PRKCB: variants seen among roughly 807,000 people sequenced by gnomAD.
The protein encoded by PRKCB is protein kinase C beta type.
A neutral mutation model predicts 81.5 loss-of-function variants in PRKCB; 13 were observed. That is an observed-to-expected ratio of 0.16 (90% confidence interval 0.10 to 0.25). PRKCB has a LOEUF of 0.25. Ranked by LOEUF, PRKCB falls within the 10% of genes least tolerant of loss-of-function variation. The pLI is 1.00. For missense variants in PRKCB, 509 were observed against 875.7 expected (o/e 0.58, Z 5.29); for synonymous variants, 335 against 321.4 (o/e 1.04, Z -0.45).
chr16:23,863,984 A>T (rs1962729395), intron 2 of PRKCB, among the ~76,000 whole-genome samples: 1 of 152,180 alleles, frequency 6.6e-6, no homozygotes, highest in African/African-American at 2.4e-5. Flanking sequence ...GCCCGTCAGT[A>T]ATGGGTACAG....
At chr16:23,847,458 ATC>A in intron 2 of PRKCB, among the ~76,000 whole-genome samples, 1 of 148,994 alleles carries the variant, frequency 6.7e-6, no homozygotes, top group Non-Finnish European at 1.5e-5. Context: ...CCATCCATCC[ATC>A]CATCCATCCA....
chr16:24,112,543 GCAA>G (rs937779086), intron 7 of PRKCB, among the ~76,000 whole-genome samples: 10 of 149,710 alleles, frequency 6.7e-5, no homozygotes, highest in Admixed American at 1.3e-4. Flanking sequence ...ATCTCTAAAA[GCAA>G]CAACAACAAT....
rs1394109030 is a variant in PRKCB at position 24,180,781 on chromosome 16, C to T, written c.1395-9C>T. On this transcript the variant is annotated splice_polypyrimidine_tract_variant and intron_variant, in intron 12 of 16. Coordinates refer to ENST00000643927, the MANE Select transcript of PRKCB (RefSeq NM_002738.7). ...TAATTAAATCTCTAAATTCTTGTGT[C>T]TGCCATAGTGACCTAAAACTTGACA... The T allele has an allele frequency of 2.5e-6, 4 of 1,613,012 alleles. 1 individual carries two copies. The South Asian group carries it at 3.3e-5, about 13-fold the overall frequency.
chr16:23,924,810 C>T (rs572343322), intron 2 of PRKCB, among the ~76,000 whole-genome samples: 1 of 152,036 alleles, frequency 6.6e-6, no homozygotes, highest in South Asian at 2.1e-4. Context: ...ACTATGTATA[C>T]ATGTAGGAAA....
chr16:23,837,309 G>T, intron 1 of PRKCB, 66 bp from the exon 2 acceptor site: 1 of 1,597,472 alleles, frequency 6.3e-7, no homozygotes. Flanking sequence ...GGGTGACTCT[G>T]TGGGTAACTA....
chr16:24,172,026 A>G (rs1027120900), intron 10 of PRKCB: 5 of 374,222 alleles, frequency 1.3e-5, no homozygotes, highest in African/African-American at 1.0e-4. Context: ...TACAGCTGTG[A>G]GCCACCATGC....
chr16:24,011,156 C>G (rs1965197931), intron 3 of PRKCB, among the ~76,000 whole-genome samples: 1 of 152,114 alleles, frequency 6.6e-6, no homozygotes, highest in Non-Finnish European at 1.5e-5. Context: ...GCATAAGCCA[C>G]CATGCCCAGC....
intron 14 of PRKCB, 71 bp downstream of exon 14, chr16:24,185,262 T>C (rs1967685647): frequency 2.8e-6 from 4 of 1,437,628 alleles, no homozygotes; most frequent in East Asian, 2.3e-5. Flanking sequence ...TTTAGGAGAA[T>C]GCATGTTTGG....
chr16:23,948,774 T>A (rs555973543), intron 2 of PRKCB, among the ~76,000 whole-genome samples: 3 of 152,296 alleles, frequency 2.0e-5, no homozygotes, highest in African/African-American at 7.2e-5. Context: ...CTGAAGAAAC[T>A]GAGTCAAGAA....
At chr16:23,852,631 A>G (rs1482997763) in intron 2 of PRKCB, among the ~76,000 whole-genome samples, 1 of 152,190 alleles carries the variant, frequency 6.6e-6, no homozygotes, top group African/African-American at 2.4e-5. Flanking sequence ...TAATGAGTTT[A>G]GAAATACTCC....
At chr16:23,866,460 G>T (rs8060718) in intron 2 of PRKCB, among the ~76,000 whole-genome samples, 1 of 152,190 alleles carries the variant, frequency 6.6e-6, no homozygotes, top group East Asian at 1.9e-4. Flanking sequence ...CTCTTTTGAC[G>T]TCTCAATTTA....
intron 9 of PRKCB, among the ~76,000 whole-genome samples, chr16:24,139,150 C>A (rs964943267): frequency 6.6e-6 from 1 of 151,042 alleles, no homozygotes; most frequent in Admixed American, 6.6e-5. Context: ...CCGTGCCTGG[C>A]CCCAGTATTT....
intron 5 of PRKCB, among the ~76,000 whole-genome samples, chr16:24,049,820 C>G (rs906883568): frequency 1.3e-5 from 2 of 152,224 alleles, no homozygotes; most frequent in Non-Finnish European, 2.9e-5. Flanking sequence ...AACTTCCCAC[C>G]TTAGCATTGT....
At chr16:23,925,930 G>C (rs921467510) in intron 2 of PRKCB, among the ~76,000 whole-genome samples, 1 of 145,556 alleles carries the variant, frequency 6.9e-6, no homozygotes, top group Non-Finnish European at 1.5e-5. Context: ...CTCTTTCTGA[G>C]TTTTTTTTTT....
intron 7 of PRKCB, among the ~76,000 whole-genome samples, chr16:24,096,685 A>G (rs1233745704): frequency 7.9e-6 from 1 of 126,748 alleles, no homozygotes; most frequent in Admixed American, 7.7e-5. Flanking sequence ...ATATATATAT[A>G]TATATATATA....
intron 2 of PRKCB, among the ~76,000 whole-genome samples, chr16:23,852,194 G>A (rs1283889379): frequency 6.6e-6 from 1 of 152,194 alleles, no homozygotes; most frequent in African/African-American, 2.4e-5. Flanking sequence ...TGATCTTAGA[G>A]GAAAGGCTTT....
At chr16:23,994,701 G>C (rs1246997844) in intron 3 of PRKCB, among the ~76,000 whole-genome samples, 1 of 152,202 alleles carries the variant, frequency 6.6e-6, no homozygotes, top group Non-Finnish European at 1.5e-5. Flanking sequence ...GGTTTCATTG[G>C]TTGAGCAAAT....
intron 2 of PRKCB, among the ~76,000 whole-genome samples, chr16:23,933,487 G>C (rs1329863221): frequency 6.6e-6 from 1 of 152,174 alleles, no homozygotes; most frequent in African/African-American, 2.4e-5. Flanking sequence ...TTGGAGGTTT[G>C]GGAGGAAAAT....
At chr16:23,871,245 G>A (rs1320386305) in intron 2 of PRKCB, among the ~76,000 whole-genome samples, 4 of 152,182 alleles carry the variant, frequency 2.6e-5, no homozygotes, top group Admixed American at 6.5e-5. Context: ...GTCAAGTGCA[G>A]CCTGCCATGC....
Sources: gnomAD v4.1 joint callset for allele counts (sites outside exome capture counted in the v4.1 genomes callset) on GRCh38, gnomAD v4.1.1 for gene constraint, MANE v1.5 for transcripts, NCBI Gene and HGNC (gene_info 2026-07-23, HGNC 2026-07-21) for gene names.